ZNF157: variants seen among roughly 807,000 people sequenced by gnomAD.
ZNF157 encodes zinc finger protein 22.
A neutral mutation model predicts 9.4 loss-of-function variants in ZNF157; 8 were observed. That is an observed-to-expected ratio of 0.85 (90% CI 0.50 to 1.53). The LOEUF is 1.53. Among genes scored for constraint, ZNF157 ranks in the 40% most tolerant of loss-of-function variants. The pLI is 0.00. For missense variants in ZNF157, 316 were observed against 385.2 expected (o/e 0.82, Z 1.50); for synonymous variants, 120 against 130.8 (o/e 0.92, Z 0.56).
At chrX:47,391,585 G>A (rs1030767039) in intron 1 of ZNF157, among the ~76,000 whole-genome samples, 1 of 111,861 alleles carries the variant, frequency 8.9e-6, no homozygotes, top group Non-Finnish European at 1.9e-5. Flanking sequence ...GTCTTGTTCT[G>A]TCTTGCCCAG....
At chrX:47,397,217 G>A (rs1037857244) in intron 1 of ZNF157, among the ~76,000 whole-genome samples, 4 of 105,139 alleles carry the variant, frequency 3.8e-5, no homozygotes, top group Non-Finnish European at 7.8e-5. Context: ...TTGTTTAATA[G>A]CAACCCAGTT....
At position 47,387,124 on chromosome X, in the gene ZNF157, A is replaced by AT. The variant is rs753975045; in HGVS notation, c.72+16399dup. Reference sequence around the variant, plus strand: ...AGGCGTGCACCACCATGCCCTGCTAATTTTTTTTTTTTTTTGAGTCAGAGT... The same window carrying AT: ...AGGCGTGCACCACCATGCCCTGCTAATTTTTTTTTTTTTTTTGAGTCAGAGT... On this transcript the variant is annotated intron_variant, in intron 1 of 3. Transcript: ENST00000377073. Among the ~76,000 whole-genome samples, 430 of 86,692 alleles carry AT rather than the reference A, an allele frequency of 5.0e-3. 3 individuals carry two copies. Among genetic ancestry groups the AT allele is most frequent in the East Asian group, 0.013 (37 of 2,763 alleles). The allele number at this position is 86,692 out of a possible 115,157, so 75.3% of individuals were successfully genotyped here.
chrX:47,404,432 T>A (rs930235084), intron 1 of ZNF157, among the ~76,000 whole-genome samples: 1 of 110,325 alleles, frequency 9.1e-6, no homozygotes, highest in South Asian at 3.9e-4. Context: ...CCCAAAATGC[T>A]GGGATTACAG....
intron 1 of ZNF157, among the ~76,000 whole-genome samples, chrX:47,373,258 G>A (rs1200891116): frequency 9.0e-6 from 1 of 111,064 alleles, no homozygotes; most frequent in East Asian, 2.8e-4. Flanking sequence ...TCCTGTTGAG[G>A]GTGAGCGGCC....
intron 1 of ZNF157, among the ~76,000 whole-genome samples, chrX:47,373,081 T>TC (rs201009370): frequency 0.36 from 38,816 of 107,920 alleles, 5,550 homozygotes; most frequent in African/African-American, 0.49. Context: ...GCACCTGTAA[T>TC]CCAGCTACTC....
intron 1 of ZNF157, among the ~76,000 whole-genome samples, chrX:47,393,867 A>G (rs1180665764): frequency 9.2e-6 from 1 of 108,488 alleles, no homozygotes; most frequent in East Asian, 2.9e-4. Flanking sequence ...GAGGTTGAGT[A>G]TGGGGCTCAA....
At chrX:47,411,570 G>A (rs1211521053) in intron 3 of ZNF157, among the ~76,000 whole-genome samples, 1 of 108,448 alleles carries the variant, frequency 9.2e-6, no homozygotes, top group Non-Finnish European at 1.9e-5. Context: ...ATCTCACTAT[G>A]TTGCCCAGGC....
At chrX:47,387,186 G>T (rs2055882264) in intron 1 of ZNF157, among the ~76,000 whole-genome samples, 1 of 107,697 alleles carries the variant, frequency 9.3e-6, no homozygotes, top group African/African-American at 3.4e-5. Context: ...GCAGTGGCAC[G>T]ATCTCAGCTC....
At chrX:47,371,218 C>A (rs182292308) in intron 1 of ZNF157, among the ~76,000 whole-genome samples, 2 of 110,059 alleles carry the variant, frequency 1.8e-5, no homozygotes, top group Non-Finnish European at 3.8e-5. Context: ...CGCACCTGTA[C>A]TCCCAGCTAC....
chrX:47,395,198 C>T (rs773651136), intron 1 of ZNF157, among the ~76,000 whole-genome samples: 19 of 110,607 alleles, frequency 1.7e-4, no homozygotes, highest in Middle Eastern at 9.3e-3. Flanking sequence ...AATATAGGCA[C>T]GAGCCACTGC....
At chrX:47,410,898 T>C (rs1377389312) in intron 3 of ZNF157, 123 bp downstream of exon 3, 13 of 546,961 alleles carry the variant, frequency 2.4e-5, no homozygotes, top group Non-Finnish European at 8.8e-6. Flanking sequence ...CCTAGCTCTT[T>C]GAAAATAAGG....
chrX:47,377,826 A>T (rs1473316130), intron 1 of ZNF157, among the ~76,000 whole-genome samples: 1 of 107,029 alleles, frequency 9.3e-6, no homozygotes, highest in Non-Finnish European at 1.9e-5. Context: ...CATGATGTTG[A>T]GGACCTTTTT....
intron 1 of ZNF157, among the ~76,000 whole-genome samples, chrX:47,371,103 C>T (rs1368803607): frequency 6.3e-5 from 7 of 111,085 alleles, no homozygotes; most frequent in African/African-American, 1.6e-4. Context: ...TTTGGGAGGC[C>T]GAGGCGGGTG....
rs778179092 is a variant in ZNF157 at position 47,413,167 on chromosome X, A to T, written c.1094A>T (p.Lys365Ile). ...EKPYQCNECGKSFRVHSSLGI... is the reference protein window; with the variant it reads ...EKPYQCNECGISFRVHSSLGI... ...CCCTATCAGTGTAATGAATGTGGGA[A>T]ATCTTTCAGGGTGCACTCATCTCTT... Residue 365 changes from lysine to isoleucine, a missense_variant, in exon 4 of 4, where the codon AAA becomes ATA. Physicochemically the swap from Lys to Ile is moderately radical, Grantham distance 102. Around this residue, in one of 3 missense-constraint regions of ZNF157, gnomAD observed 167 missense variants for 183.6 expected, o/e 0.91. Coordinates refer to ENST00000377073, the MANE Select transcript of ZNF157 (RefSeq NM_003446.4). 3 of 1,211,732 alleles carry T rather than the reference A, an allele frequency of 2.5e-6. No individual in the cohort carries two copies. Among genetic ancestry groups the T allele is most frequent in the Non-Finnish European group, 2.2e-6 (2 of 895,346 alleles).
At chrX:47,383,684 GAAAAA>G (rs11324804) in intron 1 of ZNF157, among the ~76,000 whole-genome samples, 2 of 41,584 alleles carry the variant, frequency 4.8e-5, no homozygotes, top group African/African-American at 9.3e-5. Flanking sequence ...CTCTGTCTCA[GAAAAA>G]AAAAAAAAAA....
At chrX:47,371,398 G>T (rs2055828453) in intron 1 of ZNF157, among the ~76,000 whole-genome samples, 1 of 109,952 alleles carries the variant, frequency 9.1e-6, no homozygotes, top group South Asian at 3.9e-4. Flanking sequence ...CCAGCTCTTA[G>T]GGAGGCAGAA....
chrX:47,388,774 A>G (rs778113954), intron 1 of ZNF157: 9 of 148,684 alleles, frequency 6.1e-5, no homozygotes, highest in South Asian at 1.8e-4. Flanking sequence ...AATGCCCCAC[A>G]TGTGAAAAAA....
At chrX:47,388,631 A>C (rs1372896615) in intron 1 of ZNF157, 2 of 137,590 alleles carry the variant, frequency 1.5e-5, no homozygotes, top group Non-Finnish European at 3.0e-5. Flanking sequence ...CTAATACTTG[A>C]GTGTCAAGAA....
chrX:47,410,333 C>A lies in ZNF157; in HGVS notation c.130C>A (p.Leu44Met). The change falls in exon 2 of 4, where the codon CTG becomes ATG. Residue 44 changes from leucine to methionine, a missense_variant. Physicochemically the swap from Leu to Met is conservative, Grantham distance 15 (BLOSUM62 2). Around this residue, in one of 3 missense-constraint regions of ZNF157, gnomAD observed 146 missense variants for 183.8 expected, o/e 0.79. Coordinates refer to ENST00000377073, the MANE Select transcript of ZNF157 (RefSeq NM_003446.4). The stretch of plus-strand genomic sequence containing the variant: ...TTTCACCCGACAGGAGTGGCACAGA[C>A]TGGACCCTGCTCAGAGGACCATGCA... ...VDFTRQEWHR[L>M]DPAQRTMHKD... 8.3e-7 allele frequency: 1 copy of A among 1,211,511 alleles called. No homozygotes were observed.
Sources: gnomAD v4.1 joint callset for allele counts (sites outside exome capture counted in the v4.1 genomes callset) on GRCh38, gnomAD v4.1.1 for gene constraint, gnomAD v4.1.1 regional missense constraint, MANE v1.5 for transcripts, NCBI Gene and HGNC (gene_info 2026-07-23, HGNC 2026-07-21) for gene names.